Variants in RMDN2 observed in about 807,000 individuals in gnomAD.
The protein encoded by RMDN2 is regulator of microtubule dynamics 2.
Under a neutral mutation model 52.8 loss-of-function variants are expected in RMDN2, and 61 were observed. The ratio of observed to expected loss-of-function variants is 1.16; its 90% CI spans 0.94 to 1.43. The LOEUF (loss-of-function observed/expected upper bound fraction) is 1.43. RMDN2 is among the 40% of genes most tolerant of loss of function. RMDN2 has a pLI of 0.00. For missense variants in RMDN2, 592 were observed against 475.3 expected (o/e 1.25, Z -2.28); for synonymous variants, 180 against 153.1 (o/e 1.18, Z -1.30).
chr2:37,951,131 TTGG>T, intron 2 of RMDN2: 1 of 1,122,414 alleles, frequency 8.9e-7, no homozygotes, highest in Non-Finnish European at 1.3e-6. Context: ...ACAATACCAA[TTGG>T]TGGACACCAA....
At chr2:37,997,295 A>G (rs930029099) in intron 7 of RMDN2, 121 bp from the exon 8 acceptor site, 5 of 680,134 alleles carry the variant, frequency 7.4e-6, no homozygotes, top group Non-Finnish European at 1.3e-5. Flanking sequence ...TCATTTGTAT[A>G]TGTTATATCT....
chr2:37,984,239 C>A (rs753564105), intron 5 of RMDN2, among the ~76,000 whole-genome samples: 2 of 152,000 alleles, frequency 1.3e-5, no homozygotes, highest in Non-Finnish European at 2.9e-5. Flanking sequence ...TGTTTTTGTT[C>A]TACTGACAAA....
chr2:38,064,761 A>G (rs1304000944), intron 10 of RMDN2, among the ~76,000 whole-genome samples: 4 of 147,028 alleles, frequency 2.7e-5, no homozygotes, highest in Non-Finnish European at 4.5e-5. Context: ...ATGAGGGTAG[A>G]TGTCTTTTTC....
chr2:37,944,527 A>G (rs1314450248), intron 2 of RMDN2, among the ~76,000 whole-genome samples: 4 of 152,226 alleles, frequency 2.6e-5, no homozygotes, highest in African/African-American at 9.6e-5. Flanking sequence ...CTAGAAAAAT[A>G]CATTTAATAG....
intron 2 of RMDN2, among the ~76,000 whole-genome samples, chr2:37,933,848 ATAAG>A (rs1311249846): frequency 2.0e-5 from 3 of 152,234 alleles, no homozygotes; most frequent in African/African-American, 7.2e-5. Context: ...ATCTTTCTAA[ATAAG>A]TATGTAGAAA....
At chr2:38,003,593 T>TAGAC (rs1553375349) in intron 8 of RMDN2, among the ~76,000 whole-genome samples, 1 of 151,276 alleles carries the variant, frequency 6.6e-6, no homozygotes, top group Non-Finnish European at 1.5e-5. Flanking sequence ...GATAGATAGA[T>TAGAC]AGATAGATAG....
At chr2:37,991,939 C>T (rs751342693) in intron 7 of RMDN2, among the ~76,000 whole-genome samples, 11 of 152,124 alleles carry the variant, frequency 7.2e-5, no homozygotes, top group Non-Finnish European at 1.5e-4. Context: ...AAAAAATTAT[C>T]GTGAAAGGAC....
chr2:37,966,918 G>A (rs574717145), intron 2 of RMDN2, among the ~76,000 whole-genome samples: 3 of 152,222 alleles, frequency 2.0e-5, no homozygotes, highest in Admixed American at 2.0e-4. Flanking sequence ...GCCCCTATCA[G>A]AGCAACATGC....
At chr2:37,983,354 T>C (rs931797828) in intron 5 of RMDN2, among the ~76,000 whole-genome samples, 3 of 152,238 alleles carry the variant, frequency 2.0e-5, no homozygotes. Flanking sequence ...TCCCAGTCTG[T>C]CTTCCACTAA....
At position 38,017,652 on chromosome 2, in the gene RMDN2, TG is replaced by T; in HGVS notation, c.*415del. 1.1e-6 allele frequency: 1 copy of T among 914,588 alleles called. No homozygotes were observed. The allele number at this position is 914,588 out of a possible 1,614,324, so 56.7% of individuals were successfully genotyped here. On this transcript the variant is annotated 3_prime_UTR_variant, in exon 11 of 11. Transcript: ENST00000354545. The stretch of plus-strand genomic sequence containing the variant: ...TCAGCAAAGGACATGAACAAGTTGT[TG>T]GCAGAAGAGGAAAAACAAACAAATG...
chr2:37,921,617 T>A (rs964807), upstream of RMDN2, among the ~76,000 whole-genome samples: 41,472 of 152,082 alleles, frequency 0.27, 7,064 homozygotes, highest in East Asian at 0.77. Flanking sequence ...TGATGTAATA[T>A]CACATTAGAA....
At position 37,929,542 on chromosome 2, in the gene RMDN2, C is replaced by A. The variant is rs1462105942; in HGVS notation, c.265C>A (p.Leu89Ile). The A allele has an allele frequency of 1.9e-6, 3 of 1,551,704 alleles. No individual in the cohort carries two copies. Among genetic ancestry groups the A allele is most frequent in the Non-Finnish European group, 1.7e-6 (2 of 1,146,950 alleles). ...LNELLTNMEE[L>I]KEEIRFLKEA... Reference sequence around the variant, plus strand: ...CGAATTACTGACAAATATGGAAGAACTCAAAGAGGAAATCAGATTTCTTAA... The same window carrying A: ...CGAATTACTGACAAATATGGAAGAAATCAAAGAGGAAATCAGATTTCTTAA... Residue 89 changes from leucine to isoleucine, a missense_variant, in exon 2 of 11, where the codon CTC becomes ATC. Coordinates refer to ENST00000354545, the MANE Select transcript of RMDN2 (RefSeq NM_001170791.3).
chr2:38,043,690 CA>C (rs1199754955), intron 10 of RMDN2, among the ~76,000 whole-genome samples: 1 of 152,006 alleles, frequency 6.6e-6, no homozygotes, highest in Non-Finnish European at 1.5e-5. Context: ...CTATGGTTTG[CA>C]AAATACATTT....
At chr2:37,961,418 TACAATTTATTTCATTA>T (rs1317334904) in intron 2 of RMDN2, among the ~76,000 whole-genome samples, 2 of 151,944 alleles carry the variant, frequency 1.3e-5, no homozygotes, top group African/African-American at 4.8e-5. Context: ...ATCTTGTCTT[TACAATTTATTTCATTA>T]AGTTAATCTG....
Position 37,997,473 on chromosome 2 carries a change from C to T in RMDN2, c.1003C>T (p.Pro335Ser). The stretch of plus-strand genomic sequence containing the variant: ...GGCTGCTACTCTGTTTGGAAAAATA[C>T]CATCTTCAACTGTACAAGAAGCTTT... ...KMAATLFGKI[P>S]SSTVQEALHN... The change falls in exon 8 of 11, where the codon CCA becomes TCA. Residue 335 changes from proline (P) to serine (S), a missense_variant. By Grantham distance (74) the Pro-to-Ser change is moderately conservative (BLOSUM62 -1). Coordinates refer to ENST00000354545, the MANE Select transcript of RMDN2 (RefSeq NM_001170791.3). 1.2e-6 allele frequency: 2 copies of T among 1,613,558 alleles called. No individual in the cohort carries two copies. Among genetic ancestry groups the T allele is most frequent in the East Asian group, 2.2e-5 (1 of 44,850 alleles).
upstream of RMDN2, among the ~76,000 whole-genome samples, chr2:37,922,931 G>C (rs143450099): frequency 3.3e-5 from 5 of 152,324 alleles, no homozygotes; most frequent in East Asian, 9.6e-4. Flanking sequence ...ATGTCTGGTG[G>C]AAGTAGCGGA....
chr2:37,969,835 C>T (rs1477286960), intron 2 of RMDN2, among the ~76,000 whole-genome samples: 1 of 150,988 alleles, frequency 6.6e-6, no homozygotes, highest in Non-Finnish European at 1.5e-5. Context: ...TTGAAAGGCT[C>T]CTCCCTCCCT....
chr2:37,952,216 T>C (rs781336731), intron 2 of RMDN2: 9 of 1,612,086 alleles, frequency 5.6e-6, no homozygotes, highest in African/African-American at 4.0e-5. Context: ...CCTCAGACTT[T>C]ACCCTCTCTT....
intron 10 of RMDN2, among the ~76,000 whole-genome samples, chr2:38,062,641 A>C (rs927106338): frequency 1.3e-5 from 2 of 151,666 alleles, no homozygotes; most frequent in Admixed American, 6.6e-5. Context: ...TTATACTTTA[A>C]GTTTTAGGGT....
Sources: allele counts gnomAD v4.1 joint callset (sites outside exome capture counted in the v4.1 genomes callset), GRCh38; gene constraint gnomAD v4.1.1; transcripts MANE v1.5; gene names NCBI Gene and HGNC (gene_info 2026-07-23, HGNC 2026-07-21).